RORB: variants seen among roughly 807,000 people sequenced by gnomAD.
RORB encodes RAR related orphan receptor B, also known as nuclear receptor ROR-beta.
Under a neutral mutation model 59.1 loss-of-function variants are expected in RORB, and 6 were observed. That is an observed-to-expected ratio of 0.10 (90% confidence interval 0.06 to 0.20). RORB has a LOEUF of 0.20. RORB is among the 10% of genes least tolerant of loss of function. The pLI is 1.00. For synonymous variants in RORB, 215 were observed against 204.5 expected (o/e 1.05, Z -0.44); for missense variants, 320 against 560.5 (o/e 0.57, Z 4.33).
chr9:74,586,040 C>T (rs540646464), intron 1 of RORB, among the ~76,000 whole-genome samples: 150 of 152,092 alleles, frequency 9.9e-4, no homozygotes, highest in Non-Finnish European at 1.8e-3. Context: ...GTGATCCGCC[C>T]GCCTCGACCT....
chr9:74,657,111 T>C (rs1824096222), intron 4 of RORB, among the ~76,000 whole-genome samples: 1 of 152,226 alleles, frequency 6.6e-6, no homozygotes, highest in Admixed American at 6.5e-5. Flanking sequence ...AGTGGCCCGA[T>C]CTCAGCTCAC....
chr9:74,571,414 A>AAAAT (rs561169581), intron 1 of RORB, among the ~76,000 whole-genome samples: 1,848 of 152,098 alleles, frequency 0.012, 46 homozygotes, highest in African/African-American at 0.043. Context: ...AAAAAAAAAA[A>AAAAT]AAACACAGTT....
intron 1 of RORB, among the ~76,000 whole-genome samples, chr9:74,627,066 G>A (rs1210369928): frequency 1.3e-5 from 2 of 151,874 alleles, no homozygotes; most frequent in African/African-American, 2.4e-5. Context: ...GGAGGCTGAG[G>A]TGGGAGAATC....
At chr9:74,614,526 T>A (rs897197245) in intron 1 of RORB, among the ~76,000 whole-genome samples, 5 of 152,130 alleles carry the variant, frequency 3.3e-5, no homozygotes, top group Non-Finnish European at 7.3e-5. Flanking sequence ...TAGTAACCAT[T>A]TTACTATGTA....
intron 1 of RORB, among the ~76,000 whole-genome samples, chr9:74,532,586 G>A (rs1386930784): frequency 6.6e-6 from 1 of 151,696 alleles, no homozygotes; most frequent in Non-Finnish European, 1.5e-5. Flanking sequence ...CCCTTAGTAA[G>A]TGTGGACAGT....
At chr9:74,506,218 G>C (rs758768114) in intron 1 of RORB, among the ~76,000 whole-genome samples, 3 of 151,916 alleles carry the variant, frequency 2.0e-5, no homozygotes, top group Non-Finnish European at 4.4e-5. Context: ...TATGTAGGCC[G>C]TATCTGAAGG....
chr9:74,515,702 G>A (rs116836539), intron 1 of RORB, among the ~76,000 whole-genome samples: 110 of 152,010 alleles, frequency 7.2e-4, no homozygotes, highest in African/African-American at 2.6e-3. Context: ...AACCTATAAT[G>A]TTTCAAAATA....
chr9:74,609,931 G>A (rs955874395), intron 1 of RORB, among the ~76,000 whole-genome samples: 4 of 152,148 alleles, frequency 2.6e-5, no homozygotes, highest in African/African-American at 7.2e-5. Flanking sequence ...AAAATACACA[G>A]AACAGCTCCA....
chr9:74,621,299 A>AT (rs1220344140), intron 1 of RORB, among the ~76,000 whole-genome samples: 2 of 147,992 alleles, frequency 1.4e-5, no homozygotes, highest in Non-Finnish European at 2.9e-5. Context: ...GCAACTAATG[A>AT]TTTTTTTAAT....
chr9:74,662,580 A>T lies in RORB; in HGVS notation c.866A>T (p.Asn289Ile). The T allele has an allele frequency of 6.2e-7, 1 of 1,614,076 alleles. No homozygotes were observed. ...ACAGGCTTCATGGAGCTCTGTCAAA[A>T]TGATCAAATTCTACTTCTGAAGTCA... ...RITGFMELCQ[N>I]DQILLLKSGC... The change falls in exon 6 of 10, where the codon AAT (asparagine) becomes ATT (isoleucine). Residue 289 changes from asparagine to isoleucine, a missense_variant. Asn to Ile is a moderately radical substitution (Grantham distance 149). Transcript: ENST00000376896.
intron 6 of RORB, 94 bp downstream of exon 6, chr9:74,662,700 G>A: frequency 3.7e-6 from 5 of 1,350,512 alleles, no homozygotes; most frequent in Non-Finnish European, 5.2e-6. Flanking sequence ...CTTCCGATAT[G>A]CAGCTCGTTT....
intron 1 of RORB, among the ~76,000 whole-genome samples, chr9:74,533,869 T>G (rs76934745): frequency 6.6e-6 from 1 of 152,008 alleles, no homozygotes; most frequent in Admixed American, 6.6e-5. Flanking sequence ...ATGACATTCT[T>G]GAAAAAAACT....
chr9:74,673,118 A>G (rs760342500), intron 9 of RORB, among the ~76,000 whole-genome samples: 10 of 152,322 alleles, frequency 6.6e-5, no homozygotes, highest in Admixed American at 1.3e-4. Context: ...TTAGGTGGTC[A>G]AGGACAAATC....
chr9:74,645,307 A>T (rs913414877), intron 4 of RORB, among the ~76,000 whole-genome samples: 2 of 152,218 alleles, frequency 1.3e-5, no homozygotes, highest in Admixed American at 6.5e-5. Flanking sequence ...TGCACCGTCC[A>T]AAACATTGAC....
At chr9:74,587,371 A>C (rs1284823615) in intron 1 of RORB, among the ~76,000 whole-genome samples, 4 of 152,202 alleles carry the variant, frequency 2.6e-5, no homozygotes, top group African/African-American at 9.7e-5. Context: ...GGAACTATTT[A>C]AGAATTGCCA....
chr9:74,644,376 G>A (rs1303057426), intron 4 of RORB, among the ~76,000 whole-genome samples: 1 of 152,150 alleles, frequency 6.6e-6, no homozygotes, highest in African/African-American at 2.4e-5. Context: ...ACTATATCAT[G>A]GGCCCTTCAC....
chr9:74,598,280 C>T (rs1455541039), intron 1 of RORB, among the ~76,000 whole-genome samples: 1 of 152,092 alleles, frequency 6.6e-6, no homozygotes, highest in African/African-American at 2.4e-5. Flanking sequence ...AGACAATCTA[C>T]TAGGAGATCA....
At chr9:74,553,928 A>T (rs1480496271) in intron 1 of RORB, among the ~76,000 whole-genome samples, 2 of 152,152 alleles carry the variant, frequency 1.3e-5, no homozygotes, top group East Asian at 3.9e-4. Context: ...ATCTCTTGGA[A>T]ATCATCTAAT....
intron 1 of RORB, among the ~76,000 whole-genome samples, chr9:74,607,325 A>T (rs1294901540): frequency 6.6e-6 from 1 of 152,174 alleles, no homozygotes; most frequent in African/African-American, 2.4e-5. Flanking sequence ...GACTGCAAGG[A>T]GGTAGAACAA....
Sources: allele counts gnomAD v4.1 joint callset (sites outside exome capture counted in the v4.1 genomes callset), GRCh38; gene constraint gnomAD v4.1.1; transcripts MANE v1.5; gene names NCBI Gene and HGNC (gene_info 2026-07-23, HGNC 2026-07-21).